Variants in ATF7IP observed in about 807,000 individuals in gnomAD.
The protein encoded by ATF7IP is activating transcription factor 7-interacting protein 1.
Under a neutral mutation model 106.4 loss-of-function variants are expected in ATF7IP, and 23 were observed. The observed-to-expected ratio is 0.22, with a 90% CI of 0.16 to 0.31. The LOEUF is 0.31. Ranked by LOEUF, ATF7IP falls within the 10% of genes least tolerant of loss-of-function variation. ATF7IP has a pLI of 1.00. For missense variants in ATF7IP, 1,334 were observed against 1,524.3 expected, an observed-to-expected ratio of 0.88 and a Z score of 2.08; for synonymous variants, 542 against 539.0, an observed-to-expected ratio of 1.01 and a Z score of -0.08.
At chr12:14,426,034 A>G (rs1315447382) in intron 2 of ATF7IP, among the ~76,000 whole-genome samples, 1 of 152,074 alleles carries the variant, frequency 6.6e-6, no homozygotes, top group Non-Finnish European at 1.5e-5. Context: ...GATTCTACCC[A>G]ACCTATTCTC....
intron 9 of ATF7IP, among the ~76,000 whole-genome samples, chr12:14,465,545 A>G (rs1277784491): frequency 6.6e-6 from 1 of 151,682 alleles, no homozygotes; most frequent in Non-Finnish European, 1.5e-5. Context: ...TTAAATAAAT[A>G]GATAATATAT....
intron 13 of ATF7IP, among the ~76,000 whole-genome samples, chr12:14,485,967 T>A: frequency 6.6e-6 from 1 of 152,298 alleles, no homozygotes; most frequent in Middle Eastern, 3.4e-3. Context: ...ATCTCCTCAG[T>A]ACCTCCAGGT....
chr12:14,478,683 ATATT>A (rs1299653588), intron 12 of ATF7IP, among the ~76,000 whole-genome samples: 2 of 152,246 alleles, frequency 1.3e-5, no homozygotes, highest in Non-Finnish European at 2.9e-5. Context: ...AGAAAAGTAT[ATATT>A]TATTTACTTA....
chr12:14,366,475 G>C (rs571438975), intron 1 of ATF7IP, among the ~76,000 whole-genome samples: 6 of 152,284 alleles, frequency 3.9e-5, no homozygotes, highest in African/African-American at 1.4e-4. Context: ...TTAGTTTTGG[G>C]AATATTGGGG....
intron 4 of ATF7IP, among the ~76,000 whole-genome samples, chr12:14,436,455 G>T (rs1467356123): frequency 6.6e-6 from 1 of 152,206 alleles, no homozygotes; most frequent in African/African-American, 2.4e-5. Flanking sequence ...CCTTTGGGAG[G>T]CTGAGGTGGA....
At chr12:14,433,418 T>C (rs1342808936) in intron 2 of ATF7IP, among the ~76,000 whole-genome samples, 1 of 152,062 alleles carries the variant, frequency 6.6e-6, no homozygotes, top group Non-Finnish European at 1.5e-5. Flanking sequence ...GGCAGGAGAA[T>C]TGCTTGAACC....
At chr12:14,473,007 G>A (rs367839955) in intron 10 of ATF7IP, among the ~76,000 whole-genome samples, 177 of 151,998 alleles carry the variant, frequency 1.2e-3, no homozygotes, top group African/African-American at 4.1e-3. Context: ...AAGTGAATCC[G>A]CAAGAGAAAA....
intron 7 of ATF7IP, among the ~76,000 whole-genome samples, 183 bp downstream of exon 7, chr12:14,456,817 A>G (rs1943445365): frequency 6.6e-6 from 1 of 152,138 alleles, no homozygotes; most frequent in African/African-American, 2.4e-5. Context: ...TACTTTTGCT[A>G]ACTTATTATA....
intron 11 of ATF7IP, 42 bp from the exon 12 acceptor site, chr12:14,478,274 AT>A (rs372940417): frequency 3.1e-6 from 5 of 1,595,732 alleles, no homozygotes; most frequent in African/African-American, 1.3e-5. Flanking sequence ...GTATTTCCTG[AT>A]TTTTTTCTTG....
At chr12:14,441,512 C>T (rs1241497629) in intron 5 of ATF7IP, among the ~76,000 whole-genome samples, 7 of 110,588 alleles carry the variant, frequency 6.3e-5, no homozygotes, top group African/African-American at 1.1e-4. Flanking sequence ...TTTTTTGAGA[C>T]GGAGTCTCCT....
intron 1 of ATF7IP, among the ~76,000 whole-genome samples, chr12:14,388,916 A>G (rs1167146657): frequency 6.6e-6 from 1 of 152,208 alleles, no homozygotes; most frequent in Non-Finnish European, 1.5e-5. Flanking sequence ...CTGGGATTAC[A>G]GGCATGAGGC....
intron 1 of ATF7IP, among the ~76,000 whole-genome samples, chr12:14,422,329 A>G (rs1941568764): frequency 6.6e-6 from 1 of 150,466 alleles, no homozygotes; most frequent in African/African-American, 2.5e-5. Context: ...ACACACACAC[A>G]CACACACACA....
At chr12:14,476,857 A>ACC (rs1441503346) in intron 11 of ATF7IP, among the ~76,000 whole-genome samples, 1 of 152,180 alleles carries the variant, frequency 6.6e-6, no homozygotes, top group Non-Finnish European at 1.5e-5. Flanking sequence ...GAAACTGTAA[A>ACC]CCATATTCCT....
Position 14,461,040 on chromosome 12 carries a change from A to G in ATF7IP, c.2704A>G (p.Thr902Ala), listed in dbSNP as rs759418106. 3 of 1,613,998 alleles carry G rather than the reference A, an allele frequency of 1.9e-6. No homozygotes were observed. The highest frequency in any genetic ancestry group is 1.1e-5 in the South Asian group (1 of 91,090). Residue 902 changes from threonine to alanine, a missense_variant, in exon 9 of 15, where the codon ACT becomes GCT. Thr to Ala is a moderately conservative substitution (Grantham distance 58). This residue lies in a region of ATF7IP where 370 missense variants were observed against 401.2 expected (regional missense o/e 0.92). Transcript: ENST00000261168. ...VGPSGLYSPS[T>A]NRGPIQMKIP... The stretch of plus-strand genomic sequence containing the variant: ...CCCATCAGGACTCTATAGTCCATCA[A>G]CTAATCGAGGTCCTATACAGATGAA...
At chr12:14,495,911 T>G (rs1476229333) in intron 13 of ATF7IP, among the ~76,000 whole-genome samples, 1 of 152,246 alleles carries the variant, frequency 6.6e-6, no homozygotes, top group Non-Finnish European at 1.5e-5. Context: ...TTTCTCCCTG[T>G]GCTGGACCTC....
intron 1 of ATF7IP, chr12:14,408,608 T>C (rs2136489889): frequency 6.6e-6 from 1 of 152,242 alleles, no homozygotes; most frequent in South Asian, 2.1e-4. Context: ...GTAGATTTCT[T>C]TTAAAGGGGC....
intron 13 of ATF7IP, among the ~76,000 whole-genome samples, chr12:14,490,795 C>T (rs1340416004): frequency 2.6e-5 from 4 of 152,136 alleles, no homozygotes; most frequent in Non-Finnish European, 5.9e-5. Flanking sequence ...CGCACCTGCT[C>T]GAACCCAATC....
intron 9 of ATF7IP, among the ~76,000 whole-genome samples, chr12:14,463,769 G>A (rs967264628): frequency 3.3e-5 from 5 of 152,072 alleles, no homozygotes; most frequent in Non-Finnish European, 7.4e-5. Context: ...GATGAGAGAT[G>A]GTGGTATGAA....
intron 13 of ATF7IP, chr12:14,481,400 G>A: frequency 3.4e-6 from 2 of 586,850 alleles, no homozygotes; most frequent in Non-Finnish European, 6.0e-6. Flanking sequence ...TGATAGAGCA[G>A]ATTTTAAGTA....
Sources: gnomAD v4.1 joint callset for allele counts (sites outside exome capture counted in the v4.1 genomes callset) on GRCh38, gnomAD v4.1.1 for gene constraint, gnomAD v4.1.1 regional missense constraint, MANE v1.5 for transcripts, NCBI Gene and HGNC (gene_info 2026-07-23, HGNC 2026-07-21) for gene names.